Variants in ITGA2 observed in about 807,000 individuals in gnomAD.
ITGA2 encodes integrin alpha-2.
ITGA2 carries 101 observed loss-of-function variants against 146.3 expected under a neutral mutation model. That is an observed-to-expected ratio of 0.69 (90% CI 0.59 to 0.81). ITGA2 has a LOEUF of 0.81. Ranked by LOEUF, ITGA2 falls within the 40% of genes least tolerant of loss-of-function variation. The pLI, the probability that ITGA2 is intolerant of heterozygous loss-of-function variation, is 0.00. For synonymous variants in ITGA2, 477 were observed against 487.1 expected (o/e 0.98, Z 0.27); for missense variants, 1,281 against 1,402.7 (o/e 0.91, Z 1.39).
intron 1 of ITGA2, 110 bp downstream of exon 1, chr5:52,989,642 G>T (rs1740820273): frequency 1.6e-6 from 2 of 1,225,506 alleles, no homozygotes; most frequent in South Asian, 1.2e-5. Context: ...GTGTTCCCTC[G>T]GATTCCACGT....
intron 19 of ITGA2, 46 bp from the exon 20 acceptor site, chr5:53,073,072 T>C: frequency 6.3e-7 from 1 of 1,595,800 alleles, no homozygotes. Flanking sequence ...CTGGCCTTTT[T>C]ATTTAACAGT....
chr5:53,078,183 C>T (rs1440229994), intron 23 of ITGA2, among the ~76,000 whole-genome samples: 1 of 152,048 alleles, frequency 6.6e-6, no homozygotes, highest in Non-Finnish European at 1.5e-5. Context: ...TCTGGATCAT[C>T]CATCTTAAAG....
At position 53,094,067 on chromosome 5, in the gene ITGA2, G is replaced by A. The variant is rs1312242424; in HGVS notation, c.*3468G>A. On this transcript the variant is annotated 3_prime_UTR_variant, in exon 30 of 30. Transcript: ENST00000296585. Reference sequence around the variant, plus strand: ...TTATAATTTTATAATGTATTTACCTGTCCTGATATATAGCTATAACCCAAT... The same window carrying A: ...TTATAATTTTATAATGTATTTACCTATCCTGATATATAGCTATAACCCAAT... The A allele has an allele frequency of 1.3e-5, 2 of 152,562 alleles. No individual in the cohort carries two copies. The highest frequency in any genetic ancestry group is 2.9e-5 in the Non-Finnish European group (2 of 68,016). The allele number at this position is 152,562 out of a possible 1,614,324, so 9.5% of individuals were successfully genotyped here. A position where few individuals can be genotyped will look rare whatever the true frequency, so the allele number is the denominator to read the frequency against.
chr5:53,075,186 C>A (rs2112008085), intron 22 of ITGA2, 35 bp from the exon 23 acceptor site: 1 of 1,606,744 alleles, frequency 6.2e-7, no homozygotes, highest in Non-Finnish European at 8.5e-7. Flanking sequence ...CTTTGTATTT[C>A]TCTTTAAGTA....
At chr5:53,010,421 T>G (rs1742067309) in intron 1 of ITGA2, among the ~76,000 whole-genome samples, 1 of 152,114 alleles carries the variant, frequency 6.6e-6, no homozygotes, top group South Asian at 2.1e-4. Flanking sequence ...TGGTGACCCT[T>G]TTACTCCTTC....
chr5:53,060,177 A>G lies in ITGA2; in HGVS notation c.1312+165A>G, dbSNP rs369657231. Among the ~76,000 whole-genome samples, 6 of 151,962 alleles carry G rather than the reference A, an allele frequency of 3.9e-5. No individual in the cohort carries two copies. The East Asian group carries it at 5.8e-4, about 15-fold the overall frequency. ...CTCTTTGCCAATCGGGCCTTAAGGC[A>G]TAACTACTTATTGGAATACTATATT... is the stretch of plus-strand genomic sequence containing the variant. On this transcript the variant is annotated intron_variant, in intron 11 of 29. Transcript: ENST00000296585.
intron 28 of ITGA2, among the ~76,000 whole-genome samples, chr5:53,089,745 G>A (rs1740322266): frequency 6.6e-6 from 1 of 152,200 alleles, no homozygotes; most frequent in African/African-American, 2.4e-5. Flanking sequence ...TAGAAAAGTT[G>A]TATTTTTTAG....
intron 3 of ITGA2, 87 bp downstream of exon 3, chr5:53,042,308 A>G (rs2111886129): frequency 1.1e-6 from 1 of 915,724 alleles, no homozygotes; most frequent in East Asian, 2.5e-5. Flanking sequence ...TCTGTCTTAA[A>G]GAAATACAGA....
intron 1 of ITGA2, among the ~76,000 whole-genome samples, chr5:52,994,753 A>G (rs1239019370): frequency 6.6e-6 from 1 of 152,188 alleles, no homozygotes; most frequent in Non-Finnish European, 1.5e-5. Flanking sequence ...AAACTTGGTT[A>G]TATCATTTTC....
Position 53,026,658 on chromosome 5 carries a change from A to G in ITGA2, c.65-90A>G. On this transcript the variant is annotated intron_variant, in intron 1 of 29. Transcript: ENST00000296585. ...ATAAGTAATAATTATTAGGTCAAGC[A>G]AGTTTTCTTAAAAATGGCCTTTGAG... 4 of 1,177,936 alleles carry G rather than the reference A, an allele frequency of 3.4e-6. No homozygotes were observed. In the Admixed American group the frequency reaches 7.4e-5, roughly 22 times the overall value. 73.0% of individuals were successfully genotyped at this position (1,177,936 alleles called of 1,614,324 possible).
chr5:53,005,992 C>T (rs909199851), intron 1 of ITGA2, among the ~76,000 whole-genome samples: 1 of 151,944 alleles, frequency 6.6e-6, no homozygotes, highest in Admixed American at 6.6e-5. Context: ...TGTTCTCACT[C>T]GTAAGTGGAA....
intron 4 of ITGA2, among the ~76,000 whole-genome samples, 191 bp downstream of exon 4, chr5:53,045,283 A>G (rs974240834): frequency 6.6e-6 from 1 of 152,202 alleles, no homozygotes; most frequent in African/African-American, 2.4e-5. Context: ...TAGGATATTC[A>G]GCAAAACCAC....
chr5:53,042,571 A>G (rs1286269585), intron 3 of ITGA2, among the ~76,000 whole-genome samples: 1 of 152,176 alleles, frequency 6.6e-6, no homozygotes, highest in Non-Finnish European at 1.5e-5. Flanking sequence ...TAAACCATTA[A>G]GTTTGGAAAC....
At chr5:53,036,044 TATTCATTC>T (rs74507381) in intron 2 of ITGA2, among the ~76,000 whole-genome samples, 22 of 150,008 alleles carry the variant, frequency 1.5e-4, no homozygotes, top group African/African-American at 4.9e-4. Flanking sequence ...CTTTGACTCG[TATTCATTC>T]ATTCATTCAT....
rs760922603 is a variant in ITGA2, at chr5:53,067,183, A to G, written c.2009A>G (p.Asn670Ser). 1.9e-6 allele frequency: 3 copies of G among 1,611,732 alleles called. No individual in the cohort carries two copies. The highest frequency in any genetic ancestry group is 1.7e-5 in the Admixed American group (1 of 59,796). ...SFTPEKITLVNKNAQIILKLC... is the reference protein window; with the variant it reads ...SFTPEKITLVSKNAQIILKLC... The stretch of plus-strand genomic sequence containing the variant: ...ACACCAGAAAAAATCACTTTGGTCA[A>G]CAAGAATGCTCAGATAATTCTCAAA... The change falls in exon 16 of 30, where the codon AAC becomes AGC. Residue 670 changes from asparagine (N) to serine (S), a missense_variant. This residue lies in a region of ITGA2 where 795 missense variants were observed against 841.7 expected (regional missense o/e 0.94). Transcript: ENST00000296585.
intron 1 of ITGA2, among the ~76,000 whole-genome samples, chr5:52,992,964 T>A (rs1489283092): frequency 3.3e-5 from 5 of 152,136 alleles, no homozygotes; most frequent in Non-Finnish European, 1.5e-5. Flanking sequence ...CACCATTCTT[T>A]GTTATGACTA....
chr5:53,074,716 A>T lies in ITGA2; in HGVS notation c.2664+239A>T, dbSNP rs556408108. ...TATGGAAAGTTCTTTTTGTCTAAAT[A>T]TGTTGAGCAACATTGGTCAAAGCAC... On this transcript the variant is annotated intron_variant, in intron 21 of 29. Coordinates refer to ENST00000296585, the MANE Select transcript of ITGA2 (RefSeq NM_002203.4). Among the ~76,000 whole-genome samples the T allele has an allele frequency of 1.1e-4, 17 of 152,134 alleles. No individual in the cohort carries two copies. In the East Asian group the frequency reaches 3.1e-3, roughly 28 times the overall value.
chr5:52,996,318 A>G (rs778935809), intron 1 of ITGA2, among the ~76,000 whole-genome samples: 15 of 152,308 alleles, frequency 9.8e-5, no homozygotes, highest in Middle Eastern at 6.8e-3. Flanking sequence ...ATTGCACAAG[A>G]GAAACTGAGG....
At position 53,059,906 on chromosome 5, in the gene ITGA2, T is replaced by C. The variant is rs1744820520; in HGVS notation, c.1206T>C (p.Phe402=). 1.9e-6 allele frequency: 3 copies of C among 1,612,258 alleles called. No individual in the cohort carries two copies. The highest frequency in any genetic ancestry group is 2.2e-5 in the South Asian group (2 of 91,068). The change falls in exon 11 of 30, where the codon TTT becomes TTC. Residue 402 remains phenylalanine, a synonymous_variant. Coordinates refer to ENST00000296585, the MANE Select transcript of ITGA2 (RefSeq NM_002203.4). ...TGATGCTGGGTGCAGTGGGAGCTTT[T>C]GGCTGGAGTGGGACCATTGTCCAGA... ...DILMLGAVGA[F]GWSGTIVQKT... is the part of the protein sequence containing the mutation.
Sources: gnomAD v4.1 joint callset for allele counts (sites outside exome capture counted in the v4.1 genomes callset) on GRCh38, gnomAD v4.1.1 for gene constraint, gnomAD v4.1.1 regional missense constraint, MANE v1.5 for transcripts, NCBI Gene and HGNC (gene_info 2026-07-23, HGNC 2026-07-21) for gene names.